Variants in TLL2 observed in about 807,000 individuals in gnomAD.
TLL2 encodes tolloid like 2, also known as tolloid-like protein 2.
Under a neutral mutation model 123.0 loss-of-function variants are expected in TLL2, and 106 were observed. That is an observed-to-expected ratio of 0.86 (90% CI 0.74 to 1.01). TLL2 has a LOEUF of 1.01. Among genes scored for constraint, TLL2 ranks in the 50% least tolerant of loss-of-function variants. The pLI, the probability that TLL2 is intolerant of heterozygous loss-of-function variation, is 0.00. For synonymous variants in TLL2, 494 were observed against 516.8 expected, an observed-to-expected ratio of 0.96 and a Z score of 0.60; for missense variants, 1,332 against 1,336.7, an observed-to-expected ratio of 1.00 and a Z score of 0.06.
At chr10:96,410,545 G>A (rs895469313) in intron 8 of TLL2, 71 bp from the exon 9 acceptor site, 2 of 1,238,400 alleles carry the variant, frequency 1.6e-6, no homozygotes, top group East Asian at 2.4e-5. Flanking sequence ...CCCGCACGGG[G>A]CAGCGGAGCA....
Position 96,378,829 on chromosome 10 carries a change from G to C in TLL2, c.2320+138C>G, listed in dbSNP as rs953001373. 5 of 1,188,362 alleles carry C rather than the reference G, an allele frequency of 4.2e-6. No individual in the cohort carries two copies. In the South Asian group the frequency reaches 4.3e-5, roughly 10 times the overall value. The allele number at this position is 1,188,362 out of a possible 1,614,324, so 73.6% of individuals were successfully genotyped here. On this transcript the variant is annotated intron_variant, in intron 17 of 20. Coordinates refer to ENST00000357947, the MANE Select transcript of TLL2 (RefSeq NM_012465.4). The stretch of plus-strand genomic sequence containing the variant: ...TGCCCTGGGGAAAACTCTCCCGCAA[G>C]GACAGCAGTTGCTGGGCCTCAGCTC...
At chr10:96,403,856 A>AG (rs1846421331) in intron 10 of TLL2, among the ~76,000 whole-genome samples, 1 of 152,152 alleles carries the variant, frequency 6.6e-6, no homozygotes, top group Admixed American at 6.5e-5. Flanking sequence ...CTGTGGTGGG[A>AG]GGCAAGATAT....
chr10:96,406,234 C>A (rs1294382233), intron 9 of TLL2, among the ~76,000 whole-genome samples: 1 of 152,048 alleles, frequency 6.6e-6, no homozygotes, highest in Non-Finnish European at 1.5e-5. Context: ...TGGCAGATGG[C>A]CCAGAGCAGA....
intron 1 of TLL2, among the ~76,000 whole-genome samples, chr10:96,510,615 A>C (rs1193255547): frequency 6.6e-6 from 1 of 152,272 alleles, no homozygotes; most frequent in Non-Finnish European, 1.5e-5. Flanking sequence ...CAAATGAGGA[A>C]GCTAATGCCC....
intron 2 of TLL2, among the ~76,000 whole-genome samples, chr10:96,447,889 G>A (rs890479142): frequency 2.0e-5 from 3 of 152,030 alleles, no homozygotes; most frequent in Non-Finnish European, 2.9e-5. Flanking sequence ...CTAAGGGCTC[G>A]GGACACAGTC....
At chr10:96,439,715 T>C (rs1360933581) in intron 3 of TLL2, among the ~76,000 whole-genome samples, 1 of 152,204 alleles carries the variant, frequency 6.6e-6, no homozygotes. Flanking sequence ...TTGGTCATAT[T>C]TCCAGACCCA....
intron 1 of TLL2, among the ~76,000 whole-genome samples, chr10:96,509,482 CA>C (rs1191495716): frequency 2.0e-5 from 3 of 152,224 alleles, no homozygotes; most frequent in African/African-American, 7.2e-5. Flanking sequence ...CCAGTGGGGT[CA>C]GGGGCCCATT....
At chr10:96,492,395 G>C (rs548049403) in intron 1 of TLL2, among the ~76,000 whole-genome samples, 1 of 152,302 alleles carries the variant, frequency 6.6e-6, no homozygotes, top group East Asian at 1.9e-4. Flanking sequence ...AGGCCGAGGT[G>C]GGTGGGTCAC....
At chr10:96,396,862 A>T (rs987612333) in intron 11 of TLL2, among the ~76,000 whole-genome samples, 3 of 152,162 alleles carry the variant, frequency 2.0e-5, no homozygotes, top group African/African-American at 7.2e-5. Context: ...AGCAATTCAG[A>T]GGCTGCTATC....
rs548268148 is a variant in TLL2, at chr10:96,373,977, G to A, written c.2449-168C>T. 135 of 617,768 alleles carry A rather than the reference G, an allele frequency of 2.2e-4. No homozygotes were observed. In the African/African-American group the frequency reaches 2.2e-3, roughly 10 times the overall value. 38.3% of individuals were successfully genotyped at this position (617,768 alleles called of 1,614,324 possible). A position where few individuals can be genotyped will look rare whatever the true frequency, so the allele number is the denominator to read the frequency against. ...GATGCTTGAGGACATCTGTAGAGAGGGTCTCAACCTCCGCCTTGCTTTTGG... is the reference window on the plus strand; with the variant it reads ...GATGCTTGAGGACATCTGTAGAGAGAGTCTCAACCTCCGCCTTGCTTTTGG... On this transcript the variant is annotated intron_variant, in intron 18 of 20. Coordinates refer to ENST00000357947, the MANE Select transcript of TLL2 (RefSeq NM_012465.4).
At chr10:96,476,240 A>ATATATATATATTTTTTTT in intron 2 of TLL2, among the ~76,000 whole-genome samples, 2 of 20,502 alleles carry the variant, frequency 9.8e-5, no homozygotes, top group Admixed American at 5.2e-4. Context: ...ATATATATAT[A>ATATATATATATTTTTTTT]TTTTATTTTT....
In TLL2 at chr10:96,420,504, C is replaced by G. The variant is rs533427329; in HGVS notation, c.923+452G>C. ...CTGTCCATCTGAGAGCTGGCTGGAG[C>G]CTCATTGTCTTCACCTCTAAAATGA... On this transcript the variant is annotated intron_variant, in intron 7 of 20. Transcript: ENST00000357947. 7.9e-5 allele frequency among the ~76,000 whole-genome samples: 12 copies of G among 152,338 alleles called. 1 individual carries two copies. The South Asian group carries it at 2.5e-3, about 32-fold the overall frequency.
chr10:96,418,438 G>A (rs146767462), intron 7 of TLL2, among the ~76,000 whole-genome samples: 48 of 152,164 alleles, frequency 3.2e-4, no homozygotes, highest in African/African-American at 1.1e-3. Flanking sequence ...GCATTGGTGA[G>A]CACATGGAAA....
chr10:96,433,267 G>C (rs1846763307), intron 3 of TLL2, among the ~76,000 whole-genome samples: 1 of 152,140 alleles, frequency 6.6e-6, no homozygotes, highest in Admixed American at 6.5e-5. Context: ...TGGGGCTGAG[G>C]TTGGGGTGCA....
At chr10:96,413,772 G>A (rs1176219554) in intron 7 of TLL2, among the ~76,000 whole-genome samples, 4 of 152,194 alleles carry the variant, frequency 2.6e-5, no homozygotes, top group Non-Finnish European at 5.9e-5. Context: ...TGGTCAGCAA[G>A]TGCAGGTTGA....
rs927141395 is a variant in TLL2, at chr10:96,431,678, C to T, written c.520+1129G>A. On this transcript the variant is annotated intron_variant, in intron 4 of 20. Transcript: ENST00000357947. The stretch of plus-strand genomic sequence containing the variant: ...ATGAGACAGAAAAAAGACTGCTGCT[C>T]CCACAGAGCTTAGACAGAGACAAAA... 2.0e-5 allele frequency among the ~76,000 whole-genome samples: 3 copies of T among 152,238 alleles called. No homozygotes were observed. The East Asian group carries it at 5.8e-4, about 29-fold the overall frequency.
intron 9 of TLL2, among the ~76,000 whole-genome samples, chr10:96,406,055 C>G (rs886803279): frequency 6.6e-6 from 1 of 152,148 alleles, no homozygotes; most frequent in African/African-American, 2.4e-5. Flanking sequence ...GCAGCCCTGT[C>G]TGGACATCCC....
chr10:96,384,791 C>A, intron 15 of TLL2, 24 bp from the exon 16 acceptor site: 1 of 1,550,958 alleles, frequency 6.4e-7, no homozygotes, highest in Middle Eastern at 1.7e-4. Context: ...TGATGGGGAG[C>A]TTCCCAGAGT....
intron 2 of TLL2, among the ~76,000 whole-genome samples, chr10:96,477,906 C>A (rs1847275956): frequency 6.6e-6 from 1 of 152,192 alleles, no homozygotes; most frequent in South Asian, 2.1e-4. Context: ...TGTTGGCCAG[C>A]ACCTTCTGGG....
Sources: allele counts gnomAD v4.1 joint callset (sites outside exome capture counted in the v4.1 genomes callset), GRCh38; gene constraint gnomAD v4.1.1; transcripts MANE v1.5; gene names NCBI Gene and HGNC (gene_info 2026-07-23, HGNC 2026-07-21).